The following IDH1 variants were observed in gnomAD, a reference collection of about 807,000 sequenced individuals.
IDH1 encodes isocitrate dehydrogenase (NADP(+)) 1.
IDH1 carries 33 observed loss-of-function variants against 46.1 expected under a neutral mutation model. That is an observed-to-expected ratio of 0.72 (90% CI 0.54 to 0.96). IDH1 has a LOEUF of 0.96. Among genes scored for constraint, IDH1 ranks in the 40% least tolerant of loss-of-function variants. The pLI is 0.00. For synonymous variants in IDH1, 144 were observed against 172.8 expected, an observed-to-expected ratio of 0.83 and a Z score of 1.31; for missense variants, 421 against 515.7, an observed-to-expected ratio of 0.82 and a Z score of 1.78.
rs374454878 is a variant in IDH1 at position 208,240,319 on chromosome 2, C to A, written c.851-316G>T. 6.1e-5 allele frequency: 21 copies of A among 345,868 alleles called. No homozygotes were observed. In the East Asian group the frequency reaches 1.1e-3, roughly 17 times the overall value. The allele number at this position is 345,868 out of a possible 1,614,324, so 21.4% of individuals were successfully genotyped here. ...TTCATAGCTACTGCGGCTCAGTTTTCTTATCTGTAAAATGGGAGTAATAAC... is the reference window on the plus strand; with the variant it reads ...TTCATAGCTACTGCGGCTCAGTTTTATTATCTGTAAAATGGGAGTAATAAC... On this transcript the variant is annotated intron_variant, in intron 7 of 9. Coordinates refer to ENST00000345146, the MANE Select transcript of IDH1 (RefSeq NM_005896.4).
intron 3 of IDH1, among the ~76,000 whole-genome samples, chr2:208,249,883 T>C (rs956467936): frequency 6.6e-6 from 1 of 152,218 alleles, no homozygotes; most frequent in African/African-American, 2.4e-5. Flanking sequence ...GTATGATCAG[T>C]AGTTTTCAAG....
chr2:208,244,132 T>C (rs1443186871), intron 5 of IDH1, among the ~76,000 whole-genome samples: 1 of 152,170 alleles, frequency 6.6e-6, no homozygotes, highest in African/African-American at 2.4e-5. Context: ...AATCTGGTTG[T>C]TTAAGAGTCT....
chr2:208,239,273 T>C (rs1574401766), intron 8 of IDH1, 40 bp from the exon 9 acceptor site: 1 of 1,605,328 alleles, frequency 6.2e-7, no homozygotes, highest in East Asian at 2.2e-5. Context: ...CCAATCATCC[T>C]AGTTATAGAG....
chr2:208,245,974 C>A (rs1688014731), intron 4 of IDH1, among the ~76,000 whole-genome samples: 2 of 152,162 alleles, frequency 1.3e-5, no homozygotes, highest in Admixed American at 1.3e-4. Context: ...ATTCTTACAT[C>A]AGTCTTACAA....
intron 4 of IDH1, 165 bp downstream of exon 4, chr2:208,248,204 A>C (rs1688058003): frequency 1.6e-6 from 1 of 639,448 alleles, no homozygotes; most frequent in African/African-American, 1.8e-5. Flanking sequence ...GCCTTTAGCT[A>C]AATGTGTGTA....
rs67202912 is a variant in IDH1 at position 208,242,386 on chromosome 2, G to T, written c.699-241C>A. 0.06 allele frequency among the ~76,000 whole-genome samples: 9,069 copies of T among 152,260 alleles called. 337 individuals carry two copies. The highest frequency in any genetic ancestry group is 0.081 in the African/African-American group (3,358 of 41,540). ...TACCCACCTTGCAGGGAAGCCGTGA[G>T]AATTAAGTGAGACAGTAGAGTATCC... On this transcript the variant is annotated intron_variant, in intron 6 of 9. Transcript: ENST00000345146.
At chr2:208,248,335 C>T (rs1288424110) in intron 4 of IDH1, 34 bp downstream of exon 4, 3 of 1,579,468 alleles carry the variant, frequency 1.9e-6, no homozygotes, top group Admixed American at 3.4e-5. Flanking sequence ...AAAAAAAAAA[C>T]ATGCAAAATC....
At chr2:208,245,546 CTTTTTTT>C in intron 4 of IDH1, 122 bp from the exon 5 acceptor site, 2 of 337,366 alleles carry the variant, frequency 5.9e-6, no homozygotes, top group East Asian at 6.5e-5. Flanking sequence ...TGTCAAACTT[CTTTTTTT>C]TTTTTTTTTT....
Position 208,248,103 on chromosome 2 carries a change from A to G in IDH1, c.414+266T>C, listed in dbSNP as rs1226110313. 1.9e-5 allele frequency: 10 copies of G among 516,846 alleles called. No homozygotes were observed. The Admixed American group carries it at 3.0e-4, about 15-fold the overall frequency. The allele number at this position is 516,846 out of a possible 1,614,324, so 32.0% of individuals were successfully genotyped here. A position where few individuals can be genotyped will look rare whatever the true frequency, so the allele number is the denominator to read the frequency against. On this transcript the variant is annotated intron_variant, in intron 4 of 9. Coordinates refer to ENST00000345146, the MANE Select transcript of IDH1 (RefSeq NM_005896.4). ...CATAAAAATGGCAATATCATATGGT[A>G]TAACTGAATAAAAGGATAAAGGAAA...
chr2:208,239,013 G>A (rs1687867391), intron 9 of IDH1, 58 bp downstream of exon 9: 2 of 1,435,268 alleles, frequency 1.4e-6, no homozygotes, highest in East Asian at 2.3e-5. Flanking sequence ...CCGATGCTCT[G>A]AGCCCAGTGA....
chr2:208,251,756 T>C (rs913842032), intron 2 of IDH1, among the ~76,000 whole-genome samples, 189 bp from the exon 3 acceptor site: 3 of 152,174 alleles, frequency 2.0e-5, no homozygotes, highest in Admixed American at 1.3e-4. Flanking sequence ...GAGTATCTTC[T>C]CTGAACAAAG....
intron 7 of IDH1, among the ~76,000 whole-genome samples, chr2:208,241,389 A>AT (rs35384132): frequency 1.4e-3 from 162 of 119,930 alleles, no homozygotes; most frequent in African/African-American, 4.2e-3. Flanking sequence ...CACCTGGCTA[A>AT]TTTTTTTTTT....
intron 9 of IDH1, among the ~76,000 whole-genome samples, chr2:208,238,228 G>A (rs1425180012): frequency 1.3e-5 from 2 of 151,774 alleles, no homozygotes; most frequent in Non-Finnish European, 2.9e-5. Flanking sequence ...GTGGAGATGG[G>A]GTTTCACTGT....
At chr2:208,237,903 G>A (rs1304289645) in intron 9 of IDH1, among the ~76,000 whole-genome samples, 1 of 151,202 alleles carries the variant, frequency 6.6e-6, no homozygotes, top group Non-Finnish European at 1.5e-5. Context: ...TCCAGCCTGG[G>A]CAAAGCGAGA....
chr2:208,251,634 G>C (rs578186708), intron 2 of IDH1, 67 bp from the exon 3 acceptor site: 33 of 1,315,194 alleles, frequency 2.5e-5, no homozygotes, highest in Non-Finnish European at 3.2e-6. Flanking sequence ...TATAAACAAC[G>C]TAGTGTTTAT....
At chr2:208,251,654 G>A (rs1019320730) in intron 2 of IDH1, 87 bp from the exon 3 acceptor site, 19 of 1,035,082 alleles carry the variant, frequency 1.8e-5, no homozygotes, top group African/African-American at 8.1e-5. Context: ...TATAAACAAC[G>A]TAGTGACTAC....
rs1318523396 is a variant in IDH1, at chr2:208,245,194, G to C, written c.520+125C>G. 3 of 662,108 alleles carry C rather than the reference G, an allele frequency of 4.5e-6. No homozygotes were observed. In the African/African-American group the frequency reaches 5.5e-5, roughly 12 times the overall value. The allele number at this position is 662,108 out of a possible 1,614,324, so 41.0% of individuals were successfully genotyped here. A position where few individuals can be genotyped will look rare whatever the true frequency, so the allele number is the denominator to read the frequency against. ...TTCTTTATGTCAAGTTTCGGGTTTTGCAAAAACACTGTAGATTCAGATTAT... is the reference window on the plus strand; with the variant it reads ...TTCTTTATGTCAAGTTTCGGGTTTTCCAAAAACACTGTAGATTCAGATTAT... On this transcript the variant is annotated intron_variant, in intron 5 of 9. Coordinates refer to ENST00000345146, the MANE Select transcript of IDH1 (RefSeq NM_005896.4).
chr2:208,251,244 C>T (rs189476895), intron 3 of IDH1, 186 bp downstream of exon 3: 308 of 486,518 alleles, frequency 6.3e-4, no homozygotes, highest in African/African-American at 5.7e-3. Flanking sequence ...TTCTCCTTCC[C>T]TTTTTTTTCC....
At chr2:208,241,550 T>G (rs1687920136) in intron 7 of IDH1, among the ~76,000 whole-genome samples, 1 of 152,122 alleles carries the variant, frequency 6.6e-6, no homozygotes, top group Non-Finnish European at 1.5e-5. Flanking sequence ...TTGTTTTATA[T>G]TCTACCAGAA....
Sources: gnomAD v4.1 joint callset for allele counts (sites outside exome capture counted in the v4.1 genomes callset) on GRCh38, gnomAD v4.1.1 for gene constraint, MANE v1.5 for transcripts, NCBI Gene and HGNC (gene_info 2026-07-23, HGNC 2026-07-21) for gene names.